DNAH12: variants seen among roughly 807,000 people sequenced by gnomAD.
DNAH12 encodes axonemal beta dynein heavy chain 12.
A neutral mutation model predicts 371.5 loss-of-function variants in DNAH12; 285 were observed. The observed-to-expected ratio is 0.77, with a 90% CI of 0.70 to 0.85. The LOEUF (loss-of-function observed/expected upper bound fraction) is 0.85. Ranked by LOEUF, DNAH12 falls within the 40% of genes least tolerant of loss-of-function variation. The probability of loss-of-function intolerance (pLI) is 0.00; values close to 1 mark genes in which losing one functional copy is unlikely to be tolerated. For synonymous variants in DNAH12, 1,200 were observed against 1,213.0 expected, an observed-to-expected ratio of 0.99 and a Z score of 0.22; for missense variants, 3,611 against 3,689.4, an observed-to-expected ratio of 0.98 and a Z score of 0.55.
intron 22 of DNAH12, among the ~76,000 whole-genome samples, chr3:57,457,212 C>T (rs566861432): frequency 1.3e-5 from 2 of 152,260 alleles, no homozygotes; most frequent in Admixed American, 1.3e-4. Context: ...AGATGGTGTT[C>T]CATTGCATTT....
At chr3:57,340,995 A>T (rs2062381155) in intron 60 of DNAH12, among the ~76,000 whole-genome samples, 1 of 152,220 alleles carries the variant, frequency 6.6e-6, no homozygotes, top group South Asian at 2.1e-4. Flanking sequence ...ACCTACACAA[A>T]TAATGTGAGA....
At chr3:57,396,254 G>A (rs2063733419) in intron 43 of DNAH12, among the ~76,000 whole-genome samples, 1 of 127,720 alleles carries the variant, frequency 7.8e-6, no homozygotes, top group African/African-American at 2.8e-5. Context: ...CTTTAGCCTA[G>A]GCAACAAGGG....
intron 56 of DNAH12, among the ~76,000 whole-genome samples, chr3:57,367,489 A>C (rs947024315): frequency 2.2e-4 from 34 of 152,334 alleles, no homozygotes; most frequent in Non-Finnish European, 4.1e-4. Context: ...TTCTTCCTCC[A>C]TCAATTTTCA....
At chr3:57,355,449 A>G (rs2062776488) in intron 59 of DNAH12, among the ~76,000 whole-genome samples, 1 of 149,256 alleles carries the variant, frequency 6.7e-6, no homozygotes, top group African/African-American at 2.4e-5. Context: ...AAGGGGGGAA[A>G]ACTAACCCAA....
intron 29 of DNAH12, among the ~76,000 whole-genome samples, chr3:57,443,006 A>G (rs1305954668): frequency 1.3e-5 from 2 of 152,258 alleles, no homozygotes; most frequent in African/African-American, 4.8e-5. Context: ...ACATTTCACA[A>G]TAGAAATTCC....
At position 57,471,466 on chromosome 3, in the gene DNAH12, TCAGACCTGTTGCATGCGCTC is replaced by T; in HGVS notation, c.1897_1911+5del. 6.5e-7 allele frequency: 1 copy of T among 1,537,118 alleles called. No individual in the cohort carries two copies. Reference sequence around the variant, plus strand: ...CCATAGCTATTGTCTCATATATTTATCAGACCTGTTGCATGCGCTCCAGCTCTGCAAATTCTGTAAACTCC... The same window carrying T: ...CCATAGCTATTGTCTCATATATTTATCAGCTCTGCAAATTCTGTAAACTCC... On this transcript the variant is annotated splice_donor_variant and splice_donor_5th_base_variant and coding_sequence_variant and intron_variant, in exon 15 of 74. Transcript: ENST00000495027. LOFTEE classifies it high-confidence loss of function.
Position 57,357,335 on chromosome 3 carries a change from G to A in DNAH12, c.9374C>T (p.Thr3125Ile), listed in dbSNP as rs1339669125. Residue 3125 changes from threonine to isoleucine, a missense_variant, in exon 59 of 74, where the codon ACA (threonine) becomes ATA (isoleucine). Physicochemically the swap from Thr to Ile is moderately conservative, Grantham distance 89. Around this residue, in one of 3 missense-constraint regions of DNAH12, gnomAD observed 2,266 missense variants for 2,236.9 expected, o/e 1.01. Transcript: ENST00000495027. Reference protein sequence around the residue: ...ITKKQQIAEKTELKIAESREG... With the variant: ...ITKKQQIAEKIELKIAESREG... The stretch of plus-strand genomic sequence containing the variant: ...TCGAGACTCTGCTATTTTGAGTTCT[G>A]TTTTTTCTGCAATCTAGGAGAACAG... 6.6e-6 allele frequency: 1 copy of A among 151,982 alleles called. No individual in the cohort carries two copies. Among genetic ancestry groups the A allele is most frequent in the Non-Finnish European group, 1.5e-5 (1 of 67,998 alleles). 9.4% of individuals were successfully genotyped at this position (151,982 alleles called of 1,614,324 possible). A position where few individuals can be genotyped will look rare whatever the true frequency, so the allele number is the denominator to read the frequency against.
At chr3:57,537,408 T>A (rs568527759) in intron 2 of DNAH12, among the ~76,000 whole-genome samples, 1 of 152,142 alleles carries the variant, frequency 6.6e-6, no homozygotes, top group Non-Finnish European at 1.5e-5. Flanking sequence ...AGCTACAAAA[T>A]GATACTGGCT....
chr3:57,455,016 A>C, intron 22 of DNAH12, 122 bp from the exon 23 acceptor site: 2 of 1,010,394 alleles, frequency 2.0e-6, no homozygotes, highest in Non-Finnish European at 2.7e-6. Flanking sequence ...TATAGTCATA[A>C]AAAATGTTAA....
intron 25 of DNAH12, among the ~76,000 whole-genome samples, chr3:57,447,796 C>G (rs998478852): frequency 2.6e-5 from 4 of 152,072 alleles, no homozygotes; most frequent in African/African-American, 9.7e-5. Flanking sequence ...ACCTCAGCCT[C>G]CCGAGTAGCG....
At chr3:57,413,947 T>C (rs1156274761) in intron 38 of DNAH12, 35 bp from the exon 39 acceptor site, 1 of 1,526,790 alleles carries the variant, frequency 6.5e-7, no homozygotes, top group East Asian at 2.5e-5. Flanking sequence ...TATTTACCTA[T>C]AATTGAATTA....
Position 57,453,392 on chromosome 3 carries a change from C to T in DNAH12, c.3468G>A (p.Lys1156=), listed in dbSNP as rs2065812903. ...GTTGGTTCTGAAGTTCCTTATAATA[C>T]TTCTTTAATCCCTACAAAATAAAAA... ...VISGGTEGLK[K]YYKELQNQLN... is the part of the protein sequence containing the mutation. Residue 1156 remains lysine, a synonymous_variant, in exon 24 of 74, where the codon AAG becomes AAA. Transcript: ENST00000495027. 3.9e-6 allele frequency: 6 copies of T among 1,533,702 alleles called. No homozygotes were observed. The highest frequency in any genetic ancestry group is 2.2e-5 in the Admixed American group (1 of 45,690).
intron 2 of DNAH12, among the ~76,000 whole-genome samples, chr3:57,539,770 T>C (rs1230877869): frequency 6.6e-6 from 1 of 151,598 alleles, no homozygotes; most frequent in Non-Finnish European, 1.5e-5. Context: ...CCTGCCACCA[T>C]ACCCGGCTAA....
intron 4 of DNAH12, among the ~76,000 whole-genome samples, chr3:57,515,514 G>GT (rs1242717165): frequency 1.3e-5 from 2 of 152,138 alleles, no homozygotes; most frequent in African/African-American, 4.8e-5. Context: ...GGAGGCTGGG[G>GT]TGGGAGGATG....
chr3:57,333,637 C>T (rs973726489), intron 62 of DNAH12, among the ~76,000 whole-genome samples: 1 of 152,126 alleles, frequency 6.6e-6, no homozygotes, highest in African/African-American at 2.4e-5. Context: ...GTCAAAACTA[C>T]TCTTTTTAAA....
chr3:57,301,284 A>G (rs1431753962), intron 70 of DNAH12, among the ~76,000 whole-genome samples: 3 of 141,110 alleles, frequency 2.1e-5, no homozygotes, highest in East Asian at 1.9e-4. Flanking sequence ...AAAAAAAAAA[A>G]AAAAAAAAAA....
At chr3:57,358,003 G>A (rs2062839605) in intron 58 of DNAH12, among the ~76,000 whole-genome samples, 2 of 152,132 alleles carry the variant, frequency 1.3e-5, no homozygotes, top group Admixed American at 1.3e-4. Context: ...AACTCAATCG[G>A]ATAGGTTGAT....
At chr3:57,403,613 G>T in intron 42 of DNAH12, 112 bp from the exon 43 acceptor site, 1 of 951,408 alleles carries the variant, frequency 1.1e-6, no homozygotes, top group Non-Finnish European at 1.5e-6. Flanking sequence ...TGTCCCATAT[G>T]TTACTATCCC....
In DNAH12 at chr3:57,311,232, C is replaced by T. The variant is rs534692111; in HGVS notation, c.10663-282G>A. ...CTGGGATTACAGGAGTGTGCCACCA[C>T]GCCCAGCTAATTTTTTGTATTTTTA... is the stretch of plus-strand genomic sequence containing the variant. On this transcript the variant is annotated intron_variant, in intron 66 of 73. Transcript: ENST00000495027. Among the ~76,000 whole-genome samples, 13 of 152,230 alleles carry T rather than the reference C, an allele frequency of 8.5e-5. No individual in the cohort carries two copies. The South Asian group carries it at 2.1e-3, about 24-fold the overall frequency.
Sources: allele counts gnomAD v4.1 joint callset (sites outside exome capture counted in the v4.1 genomes callset), GRCh38; gene constraint gnomAD v4.1.1; regional missense constraint gnomAD v4.1.1; transcripts MANE v1.5; gene names NCBI Gene and HGNC (gene_info 2026-07-23, HGNC 2026-07-21).